Variants in TTC23 observed in about 807,000 individuals in gnomAD.
The protein encoded by TTC23 is tetratricopeptide repeat protein 23.
TTC23 carries 58 observed loss-of-function variants against 55.1 expected under a neutral mutation model. The ratio of observed to expected loss-of-function variants is 1.05; its 90% confidence interval spans 0.85 to 1.31. The LOEUF is 1.31. TTC23 is among the 50% of genes most tolerant of loss of function. The pLI is 0.00. For missense variants in TTC23, 516 were observed against 534.4 expected (o/e 0.97, Z 0.34); for synonymous variants, 203 against 199.9 (o/e 1.02, Z -0.13).
intron 3 of TTC23, among the ~76,000 whole-genome samples, chr15:99,235,557 A>T (rs1269262550): frequency 6.6e-6 from 1 of 152,024 alleles, no homozygotes; most frequent in Non-Finnish European, 1.5e-5. Flanking sequence ...ATTTTAGTAG[A>T]GATGGGGTTT....
intron 9 of TTC23, among the ~76,000 whole-genome samples, chr15:99,183,127 T>A (rs765898390): frequency 2.0e-5 from 3 of 152,178 alleles, no homozygotes; most frequent in African/African-American, 7.2e-5. Context: ...AAAATGCTGA[T>A]AGTGATAAGG....
At chr15:99,139,070 G>A (rs1345980958) in intron 13 of TTC23, 11 of 552,466 alleles carry the variant, frequency 2.0e-5, no homozygotes, top group Admixed American at 5.0e-5. Context: ...GCCTGCAGGG[G>A]CTGGTCTGCA....
rs1459005541 is a variant in TTC23 at position 99,156,149 on chromosome 15, T to G, written c.1142A>C (p.Lys381Thr). Residue 381 changes from lysine (K) to threonine (T), a missense_variant and splice_region_variant, in exon 12 of 14, where the codon AAG becomes ACG. Physicochemically the swap from Lys to Thr is moderately conservative, Grantham distance 78 (BLOSUM62 -1). Transcript: ENST00000394132. ...TGTTAGTACTGGTTCCAGCTTTACC[T>G]TCTTCAGTTTCTTGCGGGCCCCACT... ...NHSGARKKLK[K>T]CLQIQTLLYG... 6.2e-7 allele frequency: 1 copy of G among 1,614,168 alleles called. No homozygotes were observed. The highest frequency in any genetic ancestry group is 1.7e-5 in the Admixed American group (1 of 60,026).
intron 9 of TTC23, among the ~76,000 whole-genome samples, chr15:99,186,918 G>GTTTGT (rs898037567): frequency 5.3e-5 from 8 of 152,000 alleles, no homozygotes; most frequent in South Asian, 2.1e-4. Flanking sequence ...CAAAATCCTG[G>GTTTGT]TTTGTTTTGT....
At chr15:99,184,513 C>G (rs1303180928) in intron 9 of TTC23, among the ~76,000 whole-genome samples, 1 of 152,198 alleles carries the variant, frequency 6.6e-6, no homozygotes, top group African/African-American at 2.4e-5. Context: ...TAATTACTAC[C>G]TTATTGGATT....
At chr15:99,150,401 G>A (rs1670214) in intron 12 of TTC23, among the ~76,000 whole-genome samples, 3,465 of 152,230 alleles carry the variant, frequency 0.023, 121 homozygotes, top group African/African-American at 0.08. Context: ...TTAGAGCAAG[G>A]CTCAAAAAAT....
intron 8 of TTC23, among the ~76,000 whole-genome samples, chr15:99,204,632 G>GT (rs56890685): frequency 0.11 from 6,373 of 60,590 alleles, 901 homozygotes; most frequent in East Asian, 0.32. Context: ...TAGATTTAAG[G>GT]TTTTTTTTTT....
At chr15:99,222,960 G>A (rs946506590) in intron 5 of TTC23, among the ~76,000 whole-genome samples, 1 of 152,208 alleles carries the variant, frequency 6.6e-6, no homozygotes, top group Non-Finnish European at 1.5e-5. Flanking sequence ...TCGTGCCACT[G>A]CATTCCAGCC....
intron 8 of TTC23, among the ~76,000 whole-genome samples, chr15:99,207,585 C>T (rs951785224): frequency 3.3e-5 from 5 of 152,040 alleles, no homozygotes; most frequent in Non-Finnish European, 7.4e-5. Context: ...GGTGAAACCC[C>T]GTCTCTACTA....
At chr15:99,231,301 T>C (rs918739573) in intron 4 of TTC23, among the ~76,000 whole-genome samples, 1 of 152,204 alleles carries the variant, frequency 6.6e-6, no homozygotes, top group Non-Finnish European at 1.5e-5. Flanking sequence ...AAGTTAACTG[T>C]AGAAAAGCCT....
At chr15:99,145,003 C>A (rs1250521812) in intron 12 of TTC23, 3 of 152,230 alleles carry the variant, frequency 2.0e-5, no homozygotes, top group African/African-American at 7.2e-5. Context: ...TCAAGAAATA[C>A]AAGTACGCTT....
At chr15:99,157,123 C>G (rs1314459957) in intron 11 of TTC23, 5 of 136,046 alleles carry the variant, frequency 3.7e-5, no homozygotes, top group African/African-American at 8.5e-5. Flanking sequence ...AGCCAGTGAT[C>G]TTCATACCTT....
At chr15:99,142,732 C>G (rs1311591570) in intron 12 of TTC23, among the ~76,000 whole-genome samples, 3 of 152,220 alleles carry the variant, frequency 2.0e-5, no homozygotes, top group African/African-American at 7.2e-5. Flanking sequence ...AATGAGAAGG[C>G]AACTGACAGT....
At chr15:99,249,978 T>C (rs567850834), upstream of TTC23, among the ~76,000 whole-genome samples, 30 of 152,280 alleles carry the variant, frequency 2.0e-4, no homozygotes, top group South Asian at 3.5e-3. Flanking sequence ...TATTAATCAC[T>C]GAAAAACAGT....
At chr15:99,148,234 G>A (rs1596248690) in intron 12 of TTC23, among the ~76,000 whole-genome samples, 1 of 151,588 alleles carries the variant, frequency 6.6e-6, no homozygotes, top group South Asian at 2.1e-4. Flanking sequence ...GGTGGCACAT[G>A]CCTGTAGTCC....
rs145675414 is a variant in TTC23, at chr15:99,167,752, C to T, written c.866-5885G>A. 1.5e-3 allele frequency among the ~76,000 whole-genome samples: 227 copies of T among 152,294 alleles called. 1 individual carries two copies. The highest frequency in any genetic ancestry group is 5.3e-3 in the African/African-American group (221 of 41,544). On this transcript the variant is annotated intron_variant, in intron 10 of 13. Transcript: ENST00000394132. ...TTCCAGTAACCCTGCGTTCATTTTCCTGTGGCTGTCCTAAGGCAGGAGTTG... is the reference window on the plus strand; with the variant it reads ...TTCCAGTAACCCTGCGTTCATTTTCTTGTGGCTGTCCTAAGGCAGGAGTTG...
chr15:99,231,880 C>T (rs111957807), intron 4 of TTC23, among the ~76,000 whole-genome samples: 1,815 of 151,796 alleles, frequency 0.012, 41 homozygotes, highest in Middle Eastern at 0.037. Flanking sequence ...GCAACCTCTA[C>T]CCCCCAGGTT....
chr15:99,212,118 G>A (rs1008237780), intron 8 of TTC23, among the ~76,000 whole-genome samples: 5 of 152,194 alleles, frequency 3.3e-5, no homozygotes, highest in African/African-American at 1.2e-4. Flanking sequence ...GTCATGCCAG[G>A]CAAAGTGTTC....
At chr15:99,195,840 T>A (rs1217105418) in intron 9 of TTC23, among the ~76,000 whole-genome samples, 1 of 148,312 alleles carries the variant, frequency 6.7e-6, no homozygotes, top group Admixed American at 6.8e-5. Context: ...TACATGCCAC[T>A]CAATTTTGCT....
Sources: allele counts gnomAD v4.1 joint callset (sites outside exome capture counted in the v4.1 genomes callset), GRCh38; gene constraint gnomAD v4.1.1; transcripts MANE v1.5; gene names NCBI Gene and HGNC (gene_info 2026-07-23, HGNC 2026-07-21).